PARN: variants seen among roughly 807,000 people sequenced by gnomAD.
PARN encodes poly(A)-specific ribonuclease PARN.
A neutral mutation model predicts 102.8 loss-of-function variants in PARN; 71 were observed. The observed-to-expected ratio is 0.69, with a 90% CI of 0.57 to 0.84. The LOEUF is 0.84. Among genes scored for constraint, PARN ranks in the 40% least tolerant of loss-of-function variants. PARN has a pLI of 0.00. For synonymous variants in PARN, 261 were observed against 252.9 expected, an observed-to-expected ratio of 1.03 and a Z score of -0.30; for missense variants, 782 against 760.9, an observed-to-expected ratio of 1.03 and a Z score of -0.33.
intron 18 of PARN, among the ~76,000 whole-genome samples, chr16:14,563,476 TTGTGTGTG>T (rs56099416): frequency 0.22 from 31,232 of 143,604 alleles, 3,695 homozygotes; most frequent in Middle Eastern, 0.29. Context: ...GAAAATTCCT[TTGTGTGTG>T]TGTGTGTGTG....
intron 18 of PARN, among the ~76,000 whole-genome samples, chr16:14,567,112 T>A (rs146825961): frequency 1.3e-5 from 2 of 152,234 alleles, no homozygotes; most frequent in Middle Eastern, 3.2e-3. Flanking sequence ...TCATGGAGAT[T>A]CTTTTTATCA....
At chr16:14,455,739 G>A (rs1961650935) in intron 22 of PARN, among the ~76,000 whole-genome samples, 1 of 152,208 alleles carries the variant, frequency 6.6e-6, no homozygotes, top group African/African-American at 2.4e-5. Flanking sequence ...ACATACACTT[G>A]CAATATGGTG....
chr16:14,586,162 T>C (rs917611472), intron 14 of PARN, among the ~76,000 whole-genome samples, 156 bp downstream of exon 14: 5 of 151,908 alleles, frequency 3.3e-5, no homozygotes, highest in African/African-American at 1.2e-4. Context: ...TTTTTATAGA[T>C]ATGTGGTTTC....
intron 4 of PARN, 27 bp from the exon 5 acceptor site, chr16:14,627,214 G>T: frequency 6.4e-7 from 1 of 1,568,928 alleles, no homozygotes; most frequent in African/African-American, 1.3e-5. Flanking sequence ...GGAGACTTAG[G>T]AGGTGACATT....
At chr16:14,629,973 G>A in intron 1 of PARN, 134 bp downstream of exon 1, 1 of 815,216 alleles carries the variant, frequency 1.2e-6, no homozygotes, top group Non-Finnish European at 2.0e-6. Flanking sequence ...GAGGCGCACC[G>A]GCTTAAGGAG....
At chr16:14,448,039 CAGTGG>C (rs956619420) in intron 22 of PARN, among the ~76,000 whole-genome samples, 1 of 152,128 alleles carries the variant, frequency 6.6e-6, no homozygotes, top group Non-Finnish European at 1.5e-5. Flanking sequence ...GGCTGGAGTG[CAGTGG>C]AGTGATCTCG....
intron 18 of PARN, 92 bp from the exon 19 acceptor site, chr16:14,555,801 T>C (rs1596657945): frequency 3.5e-6 from 2 of 571,430 alleles, no homozygotes; most frequent in East Asian, 6.3e-5. Context: ...AAAAAAAATT[T>C]TAATAGGCAT....
intron 12 of PARN, among the ~76,000 whole-genome samples, chr16:14,598,609 A>C (rs1339804719): frequency 6.6e-6 from 1 of 152,186 alleles, no homozygotes; most frequent in Admixed American, 6.5e-5. Context: ...CCACTGCTGA[A>C]GAGGCTCACA....
At chr16:14,593,173 T>C (rs1034585791) in intron 13 of PARN, 128 bp downstream of exon 13, 1 of 588,948 alleles carries the variant, frequency 1.7e-6, no homozygotes, top group Non-Finnish European at 3.0e-6. Flanking sequence ...AGATTCTCTC[T>C]GGGAACATGC....
At chr16:14,495,495 T>TACTGAGC (rs2151617068) in intron 21 of PARN, among the ~76,000 whole-genome samples, 1 of 151,892 alleles carries the variant, frequency 6.6e-6, no homozygotes, top group South Asian at 2.1e-4. Flanking sequence ...GAGGTCAGAG[T>TACTGAGC]ACTGAGCACT....
intron 23 of PARN, among the ~76,000 whole-genome samples, chr16:14,445,186 T>C (rs1415423438): frequency 6.6e-6 from 1 of 151,488 alleles, no homozygotes; most frequent in Non-Finnish European, 1.5e-5. Flanking sequence ...ACACCCAGAG[T>C]CAAGAGACAG....
chr16:14,480,786 C>G (rs368037669), intron 22 of PARN, among the ~76,000 whole-genome samples: 1 of 151,948 alleles, frequency 6.6e-6, no homozygotes, highest in Admixed American at 6.6e-5. Flanking sequence ...ACTAAAAATA[C>G]AAAAATTAAC....
At chr16:14,579,378 G>A (rs978929064) in intron 18 of PARN, among the ~76,000 whole-genome samples, 1 of 152,182 alleles carries the variant, frequency 6.6e-6, no homozygotes, top group Non-Finnish European at 1.5e-5. Context: ...TCCAACATCT[G>A]ATTTTATAAG....
intron 21 of PARN, among the ~76,000 whole-genome samples, chr16:14,505,480 AACACAC>A (rs372607658): frequency 4.7e-5 from 7 of 149,412 alleles, no homozygotes; most frequent in South Asian, 2.1e-4. Flanking sequence ...CGTCTCTTAA[AACACAC>A]ACACACACAC....
At chr16:14,598,657 G>A (rs1002089808) in intron 12 of PARN, among the ~76,000 whole-genome samples, 2 of 152,136 alleles carry the variant, frequency 1.3e-5, no homozygotes, top group Non-Finnish European at 2.9e-5. Context: ...CTTTCTATTC[G>A]ACTTTAATCG....
chr16:14,548,208 A>C (rs1967080872), intron 21 of PARN, among the ~76,000 whole-genome samples: 1 of 151,708 alleles, frequency 6.6e-6, no homozygotes, highest in Non-Finnish European at 1.5e-5. Context: ...AGATCGCACC[A>C]CTGCACTCCA....
At chr16:14,554,656 C>A (rs1967548243) in intron 19 of PARN, among the ~76,000 whole-genome samples, 1 of 151,616 alleles carries the variant, frequency 6.6e-6, no homozygotes, top group African/African-American at 2.4e-5. Flanking sequence ...GCTGCCCACG[C>A]TGGTCTTGAA....
intron 5 of PARN, among the ~76,000 whole-genome samples, chr16:14,624,907 C>T (rs764845215): frequency 1.3e-5 from 2 of 151,828 alleles, no homozygotes; most frequent in Admixed American, 6.6e-5. Context: ...TAAAATAAGC[C>T]GGCGTGATGG....
chr16:14,473,303 A>C (rs1187017246), intron 22 of PARN, among the ~76,000 whole-genome samples: 1 of 152,200 alleles, frequency 6.6e-6, no homozygotes, highest in Non-Finnish European at 1.5e-5. Flanking sequence ...CAGTGGTTTC[A>C]AAGGTGTCAT....
Sources: allele counts gnomAD v4.1 joint callset (sites outside exome capture counted in the v4.1 genomes callset), GRCh38; gene constraint gnomAD v4.1.1; transcripts MANE v1.5; gene names NCBI Gene and HGNC (gene_info 2026-07-23, HGNC 2026-07-21).